The following BTBD9 variants were observed in gnomAD, a reference collection of about 807,000 sequenced individuals.
The protein encoded by BTBD9 is BTB/POZ domain-containing protein 9.
In BTBD9, 49 loss-of-function variants were observed where a neutral mutation model predicts 64.3. The observed-to-expected ratio is 0.76, with a 90% CI of 0.61 to 0.97. The LOEUF (loss-of-function observed/expected upper bound fraction) is 0.97, where lower values mean the gene tolerates loss of function less well. Ranked by LOEUF, BTBD9 falls within the 50% of genes least tolerant of loss-of-function variation. The pLI is 0.00. For synonymous variants in BTBD9, 260 were observed against 274.7 expected (o/e 0.95, Z 0.53); for missense variants, 598 against 762.1 (o/e 0.78, Z 2.53).
At position 38,369,653 on chromosome 6, in the gene BTBD9, T is replaced by C. The variant is rs545013691; in HGVS notation, c.1155-24560A>G. Among the ~76,000 whole-genome samples, 7 of 152,214 alleles carry C rather than the reference T, an allele frequency of 4.6e-5. No homozygotes were observed. The South Asian group carries it at 1.5e-3, about 32-fold the overall frequency. On this transcript the variant is annotated intron_variant, in intron 6 of 10. Transcript: ENST00000481247. ...ATACTCACAGAAGAAGAGAGATAGGTAAGGAGGGGAAGAGAGAAGGAATAC... is the reference window on the plus strand; with the variant it reads ...ATACTCACAGAAGAAGAGAGATAGGCAAGGAGGGGAAGAGAGAAGGAATAC...
In BTBD9 at chr6:38,169,138, C is replaced by G. The variant is rs889707796; in HGVS notation, c.*5847G>C. 6.6e-6 allele frequency: 1 copy of G among 152,608 alleles called. No individual in the cohort carries two copies. Among genetic ancestry groups the G allele is most frequent in the South Asian group, 2.1e-4 (1 of 4,838 alleles). 9.5% of individuals were successfully genotyped at this position (152,608 alleles called of 1,614,324 possible). A position where few individuals can be genotyped will look rare whatever the true frequency, so the allele number is the denominator to read the frequency against. On this transcript the variant is annotated 3_prime_UTR_variant, in exon 11 of 11. Transcript: ENST00000481247. ...CCCTGAGGACCTTACTGGCAGCACC[C>G]TGCCCTGCTGACCCTGGAAGCAGCT...
At position 38,485,721 on chromosome 6, in the gene BTBD9, A is replaced by G. The variant is rs1425649600; in HGVS notation, c.1154+91879T>C. On this transcript the variant is annotated intron_variant, in intron 6 of 10. Transcript: ENST00000481247. ...AGAGCACAGGCAGAGTAGATTTAGC[A>G]TAACTCTTAGGGCCCTAGGATTTTC... Among the ~76,000 whole-genome samples the G allele has an allele frequency of 2.0e-5, 3 of 152,328 alleles. 1 individual carries two copies. The East Asian group carries it at 5.8e-4, about 29-fold the overall frequency.
intron 10 of BTBD9, among the ~76,000 whole-genome samples, chr6:38,187,165 G>A (rs11757846): frequency 0.085 from 12,969 of 152,258 alleles, 723 homozygotes; most frequent in Middle Eastern, 0.17. Flanking sequence ...CACAGTCTTG[G>A]GGGCTGAAAC....
At chr6:38,309,760 C>T (rs1762761187) in intron 7 of BTBD9, among the ~76,000 whole-genome samples, 1 of 151,648 alleles carries the variant, frequency 6.6e-6, no homozygotes, top group East Asian at 1.9e-4. Context: ...AAAGTAGCAG[C>T]CTTTCTTTTT....
chr6:38,413,847 T>C (rs145041273), intron 6 of BTBD9, among the ~76,000 whole-genome samples: 8 of 152,288 alleles, frequency 5.3e-5, no homozygotes, highest in Admixed American at 2.0e-4. Flanking sequence ...CTGTGTAACC[T>C]TCAAGTTTCC....
intron 6 of BTBD9, among the ~76,000 whole-genome samples, chr6:38,550,322 C>CTTTTTTTTTTTTTTTTTTTT (rs70981562): frequency 6.9e-6 from 1 of 144,054 alleles, no homozygotes; most frequent in Non-Finnish European, 1.5e-5. Flanking sequence ...TTTCTTTTTT[C>CTTTTTTTTTTTTTTTTTTTT]TTTTTTTTTT....
At position 38,472,217 on chromosome 6, in the gene BTBD9, A is replaced by T. The variant is rs1770680639; in HGVS notation, c.1154+105383T>A. Among the ~76,000 whole-genome samples the T allele has an allele frequency of 1.3e-5, 2 of 152,154 alleles. 1 individual carries two copies. Among genetic ancestry groups the T allele is most frequent in the South Asian group, 4.1e-4 (2 of 4,828 alleles). ...AAAGCACTGCACACTAATAAAACAC[A>T]ACACTGTTTACATACAGTGCAAATA... On this transcript the variant is annotated intron_variant, in intron 6 of 10. Coordinates refer to ENST00000481247, the MANE Select transcript of BTBD9 (RefSeq NM_001099272.2).
chr6:38,320,854 G>T (rs76683066), intron 7 of BTBD9, among the ~76,000 whole-genome samples: 3,770 of 152,204 alleles, frequency 0.025, 105 homozygotes, highest in East Asian at 0.088. Context: ...CAAGATGGGG[G>T]ACAAGCCACC....
At chr6:38,448,174 C>G (rs1293991615) in intron 6 of BTBD9, among the ~76,000 whole-genome samples, 2 of 152,182 alleles carry the variant, frequency 1.3e-5, no homozygotes, top group Admixed American at 1.3e-4. Context: ...CCAAAATTCT[C>G]CACAATAGTG....
intron 8 of BTBD9, among the ~76,000 whole-genome samples, chr6:38,274,129 C>T (rs556626390): frequency 1.3e-5 from 2 of 152,292 alleles, no homozygotes; most frequent in East Asian, 3.9e-4. Context: ...GTATTTTATT[C>T]TCTTTGAAGC....
intron 6 of BTBD9, among the ~76,000 whole-genome samples, chr6:38,471,797 T>A (rs1227992779): frequency 6.6e-6 from 1 of 152,200 alleles, no homozygotes; most frequent in Admixed American, 6.5e-5. Context: ...AACTAAAATG[T>A]CATTACTTGG....
chr6:38,302,503 A>ATATATATC, intron 7 of BTBD9, among the ~76,000 whole-genome samples: 1 of 134,612 alleles, frequency 7.4e-6, no homozygotes, highest in South Asian at 2.3e-4. Context: ...ATATATATAT[A>ATATATATC]TATATATATA....
intron 7 of BTBD9, among the ~76,000 whole-genome samples, chr6:38,290,353 A>G (rs1454179931): frequency 1.3e-5 from 2 of 151,836 alleles, no homozygotes; most frequent in Non-Finnish European, 2.9e-5. Context: ...TATATTTAGA[A>G]GGTAAGTTAT....
chr6:38,309,846 A>AT (rs1272183419), intron 7 of BTBD9, among the ~76,000 whole-genome samples: 2 of 151,336 alleles, frequency 1.3e-5, no homozygotes, highest in Non-Finnish European at 2.9e-5. Context: ...ATAAAATTTG[A>AT]TTTTTTCTAA....
At chr6:38,561,747 T>G (rs1407944307) in intron 6 of BTBD9, among the ~76,000 whole-genome samples, 2 of 152,064 alleles carry the variant, frequency 1.3e-5, no homozygotes, top group Non-Finnish European at 2.9e-5. Flanking sequence ...GGTACATATG[T>G]AAATAAAGAT....
intron 6 of BTBD9, among the ~76,000 whole-genome samples, chr6:38,573,325 AC>A (rs1316429506): frequency 6.6e-6 from 1 of 152,180 alleles, no homozygotes; most frequent in Admixed American, 6.5e-5. Flanking sequence ...TAAAATATAT[AC>A]ATTATAACTT....
intron 6 of BTBD9, among the ~76,000 whole-genome samples, chr6:38,422,470 G>A (rs1469312261): frequency 6.6e-6 from 1 of 152,118 alleles, no homozygotes; most frequent in Non-Finnish European, 1.5e-5. Flanking sequence ...GTTTATGTGT[G>A]TGGGCAGGTT....
At chr6:38,587,375 G>C (rs1017018487) in intron 4 of BTBD9, 4 of 479,492 alleles carry the variant, frequency 8.3e-6, no homozygotes, top group Non-Finnish European at 1.7e-5. Flanking sequence ...GCTCAACTTG[G>C]GGAGGATATT....
At chr6:38,222,039 C>T (rs1397219667) in intron 9 of BTBD9, among the ~76,000 whole-genome samples, 1 of 152,002 alleles carries the variant, frequency 6.6e-6, no homozygotes, top group Non-Finnish European at 1.5e-5. Flanking sequence ...TCTCATTTAT[C>T]TTCCAAATAT....
Sources: gnomAD v4.1 joint callset for allele counts (sites outside exome capture counted in the v4.1 genomes callset) on GRCh38, gnomAD v4.1.1 for gene constraint, MANE v1.5 for transcripts, NCBI Gene and HGNC (gene_info 2026-07-23, HGNC 2026-07-21) for gene names.